Variants in EFNA5 observed in about 807,000 individuals in gnomAD.
EFNA5 encodes the protein ephrin-A5.
EFNA5 carries 5 observed loss-of-function variants against 22.9 expected under a neutral mutation model. That is an observed-to-expected ratio of 0.22 (90% CI 0.11 to 0.46). The LOEUF is 0.46. Ranked by LOEUF, EFNA5 falls within the 20% of genes least tolerant of loss-of-function variation. EFNA5 has a pLI of 0.99. For missense variants in EFNA5, 237 were observed against 293.3 expected (o/e 0.81, Z 1.40); for synonymous variants, 113 against 112.2 (o/e 1.01, Z -0.04).
chr5:107,474,088 G>GTACAATGTTT (rs1750216656), intron 1 of EFNA5, among the ~76,000 whole-genome samples: 1 of 152,172 alleles, frequency 6.6e-6, no homozygotes, highest in African/African-American at 2.4e-5. Context: ...AGTTTAGCCA[G>GTACAATGTTT]TACAATGTTT....
intron 1 of EFNA5, among the ~76,000 whole-genome samples, chr5:107,518,755 G>A (rs757479142): frequency 3.9e-5 from 6 of 152,080 alleles, no homozygotes; most frequent in Non-Finnish European, 8.8e-5. Flanking sequence ...TTCCTACAAC[G>A]TATGGCAATG....
rs1252272615 is a variant in EFNA5 at position 107,592,109 on chromosome 5, A to T, written c.125+78380T>A. 1.6e-5 allele frequency among the ~76,000 whole-genome samples: 2 copies of T among 125,570 alleles called. 1 individual carries two copies. Among genetic ancestry groups the T allele is most frequent in the Admixed American group, 2.0e-4 (2 of 9,908 alleles). The allele number at this position is 125,570 out of a possible 152,430, so 82.4% of individuals were successfully genotyped here. On this transcript the variant is annotated intron_variant, in intron 1 of 4. Transcript: ENST00000333274. ...AATTTTTAATAAAAATATATTTTATATATATTATATATAGAATATATAGAA... is the reference window on the plus strand; with the variant it reads ...AATTTTTAATAAAAATATATTTTATTTATATTATATATAGAATATATAGAA...
At chr5:107,455,627 A>T (rs183858787) in intron 1 of EFNA5, among the ~76,000 whole-genome samples, 245 of 152,284 alleles carry the variant, frequency 1.6e-3, no homozygotes, top group Non-Finnish European at 2.9e-3. Flanking sequence ...CAAATAAATT[A>T]CCTAAAATAC....
intron 1 of EFNA5, among the ~76,000 whole-genome samples, chr5:107,664,857 T>C (rs1751035835): frequency 6.6e-6 from 1 of 152,168 alleles, no homozygotes; most frequent in African/African-American, 2.4e-5. Flanking sequence ...AAATTGATAA[T>C]ATAGAATCGT....
chr5:107,450,122 A>G (rs1749520203), intron 1 of EFNA5, among the ~76,000 whole-genome samples: 1 of 152,220 alleles, frequency 6.6e-6, no homozygotes, highest in Non-Finnish European at 1.5e-5. Context: ...TGAAATATTT[A>G]TATGCCTCGA....
At chr5:107,538,351 C>A (rs1747969032) in intron 1 of EFNA5, among the ~76,000 whole-genome samples, 2 of 152,186 alleles carry the variant, frequency 1.3e-5, no homozygotes, top group African/African-American at 4.8e-5. Context: ...CTTACTGAGC[C>A]TCTATTATGT....
At chr5:107,388,725 C>A (rs1747705708) in intron 2 of EFNA5, among the ~76,000 whole-genome samples, 1 of 152,138 alleles carries the variant, frequency 6.6e-6, no homozygotes, top group Non-Finnish European at 1.5e-5. Context: ...ATACTTTCCT[C>A]CCTATGTGTT....
chr5:107,571,272 C>A (rs1330052093), intron 1 of EFNA5, among the ~76,000 whole-genome samples: 2 of 152,160 alleles, frequency 1.3e-5, no homozygotes, highest in African/African-American at 4.8e-5. Flanking sequence ...TGTAATCCAA[C>A]CTGGGGCAGA....
Position 107,380,373 on chromosome 5 carries a change from T to TAAAAAAAAAAAAAAAAAAAAAAAAAAA in EFNA5, c.*881_*882insTTTTTTTTTTTTTTTTTTTTTTTTTTT, listed in dbSNP as rs1747407184. ...TCATAAAAATGCCTCTTTGAGTTTC[T>TAAAAAAAAAAAAAAAAAAAAAAAAAAA]TAAAAAAAAAAAAAAAAAAAAAAAA... On this transcript the variant is annotated 3_prime_UTR_variant, in exon 5 of 5. Transcript: ENST00000333274. 2 of 41,586 alleles carry TAAAAAAAAAAAAAAAAAAAAAAAAAAA rather than the reference T, an allele frequency of 4.8e-5. 1 individual carries two copies. The highest frequency in any genetic ancestry group is 9.0e-5 in the Non-Finnish European group (2 of 22,308). 2.6% of individuals were successfully genotyped at this position (41,586 alleles called of 1,614,324 possible).
intron 2 of EFNA5, among the ~76,000 whole-genome samples, chr5:107,405,214 T>C (rs1400291240): frequency 6.6e-6 from 1 of 152,222 alleles, no homozygotes; most frequent in Non-Finnish European, 1.5e-5. Flanking sequence ...GGGCAGCCCT[T>C]GCCTGCTCCC....
chr5:107,410,021 TC>T (rs1363914609), intron 2 of EFNA5, among the ~76,000 whole-genome samples: 2,630 of 123,696 alleles, frequency 0.021, 31 homozygotes, highest in Middle Eastern at 0.05. Context: ...GTGACATGAT[TC>T]TTTTTTTTTT....
At chr5:107,658,675 T>C (rs1057479041) in intron 1 of EFNA5, among the ~76,000 whole-genome samples, 4 of 152,170 alleles carry the variant, frequency 2.6e-5, no homozygotes, top group Non-Finnish European at 5.9e-5. Flanking sequence ...TCCCACTTAA[T>C]TTTATCTAGA....
chr5:107,651,412 ATC>A (rs1323768168), intron 1 of EFNA5, among the ~76,000 whole-genome samples: 2 of 152,088 alleles, frequency 1.3e-5, no homozygotes, highest in Admixed American at 1.3e-4. Flanking sequence ...GCAAAAATGA[ATC>A]TCTTCCACAG....
intron 1 of EFNA5, among the ~76,000 whole-genome samples, chr5:107,495,756 A>C (rs945691372): frequency 2.6e-5 from 4 of 152,142 alleles, no homozygotes; most frequent in Admixed American, 1.3e-4. Flanking sequence ...ATACATTTCC[A>C]AGCATCCCCG....
chr5:107,513,364 G>C (rs974256147), intron 1 of EFNA5, among the ~76,000 whole-genome samples: 2 of 152,164 alleles, frequency 1.3e-5, no homozygotes, highest in Non-Finnish European at 2.9e-5. Flanking sequence ...TGAGCATGTT[G>C]ATTCTGTGGG....
chr5:107,643,337 T>G (rs1368428923), intron 1 of EFNA5, among the ~76,000 whole-genome samples: 1 of 152,148 alleles, frequency 6.6e-6, no homozygotes, highest in East Asian at 1.9e-4. Flanking sequence ...TACAGGAGGA[T>G]TTGTGGGTTG....
intron 1 of EFNA5, among the ~76,000 whole-genome samples, chr5:107,569,371 A>G (rs892960147): frequency 7.6e-6 from 1 of 131,108 alleles, no homozygotes; most frequent in Non-Finnish European, 1.5e-5. Context: ...ATACGTGTAT[A>G]TATATATATA....
At chr5:107,591,931 A>G (rs1439182188) in intron 1 of EFNA5, among the ~76,000 whole-genome samples, 4 of 19,538 alleles carry the variant, frequency 2.0e-4, no homozygotes, top group Admixed American at 8.3e-4. Context: ...TATATAATAT[A>G]TAATATATAT....
Position 107,476,058 on chromosome 5 carries a change from T to TACGTATATATATATATA in EFNA5, c.126-48550_126-48549insTATATATATATATACGT. On this transcript the variant is annotated intron_variant, in intron 1 of 4. Transcript: ENST00000333274. ...GAGAGTTTTTAAACTATATATATAT[T>TACGTATATATATATATA]TTTTTTTTTTGAGACAGAGTCTTGC... is the stretch of plus-strand genomic sequence containing the variant. Among the ~76,000 whole-genome samples the TACGTATATATATATATA allele has an allele frequency of 4.9e-5, 2 of 41,114 alleles. 1 individual carries two copies. Among genetic ancestry groups the TACGTATATATATATATA allele is most frequent in the African/African-American group, 3.8e-4 (2 of 5,202 alleles). The allele number at this position is 41,114 out of a possible 152,430, so 27.0% of individuals were successfully genotyped here.
Sources: gnomAD v4.1 joint callset for allele counts (sites outside exome capture counted in the v4.1 genomes callset) on GRCh38, gnomAD v4.1.1 for gene constraint, MANE v1.5 for transcripts, NCBI Gene and HGNC (gene_info 2026-07-23, HGNC 2026-07-21) for gene names.